RBFOX1: variants seen among roughly 807,000 people sequenced by gnomAD.
The protein encoded by RBFOX1 is RNA binding protein fox-1 homolog 1.
RBFOX1 carries 8 observed loss-of-function variants against 57.7 expected under a neutral mutation model. That is an observed-to-expected ratio of 0.14 (90% CI 0.08 to 0.25). The LOEUF (loss-of-function observed/expected upper bound fraction) is 0.25. Among genes scored for constraint, RBFOX1 ranks in the 10% least tolerant of loss-of-function variants. The probability of loss-of-function intolerance (pLI) is 1.00; values close to 1 mark genes in which losing one functional copy is unlikely to be tolerated. For synonymous variants in RBFOX1, 326 were observed against 222.4 expected (o/e 1.47, Z -4.15); for missense variants, 611 against 548.5 (o/e 1.11, Z -1.14).
At chr16:6,251,627 A>C (rs2097613245) in intron 1 of RBFOX1, among the ~76,000 whole-genome samples, 1 of 152,102 alleles carries the variant, frequency 6.6e-6, no homozygotes, top group Non-Finnish European at 1.5e-5. Context: ...AAAAATGAGA[A>C]TAGCAATGCC....
At chr16:7,040,963 T>G (rs1031474666) in intron 3 of RBFOX1, among the ~76,000 whole-genome samples, 1 of 151,864 alleles carries the variant, frequency 6.6e-6, no homozygotes, top group African/African-American at 2.4e-5. Context: ...TCCCCCAGGC[T>G]GGAGTGCAAT....
At position 5,246,199 on chromosome 16, in the gene RBFOX1, G is replaced by A. The variant is rs112988595; in HGVS notation, c.219+6094G>A. 9.8e-3 allele frequency among the ~76,000 whole-genome samples: 1,492 copies of A among 152,240 alleles called. 31 individuals carry two copies. Among genetic ancestry groups the A allele is most frequent in the African/African-American group, 0.034 (1,421 of 41,544 alleles). On this transcript the variant is annotated intron_variant, in intron 1 of 2. Transcript: ENST00000585867. ...AGAGGTTGCAGTCAGCCGAGATCGC[G>A]CCACTGCACTTCAGCCAGCCTGGGT...
At chr16:7,705,176 C>A (rs1046204526) in intron 14 of RBFOX1, among the ~76,000 whole-genome samples, 1 of 151,850 alleles carries the variant, frequency 6.6e-6, no homozygotes, top group Non-Finnish European at 1.5e-5. Flanking sequence ...CAAGACTAAG[C>A]AGAGAATGGA....
intron 3 of RBFOX1, among the ~76,000 whole-genome samples, chr16:5,837,947 C>T (rs894747747): frequency 2.0e-5 from 3 of 152,056 alleles, no homozygotes; most frequent in Admixed American, 6.5e-5. Context: ...ATGGCTGCTT[C>T]GGAAAGAGGC....
At chr16:5,878,564 C>T (rs116388444) in intron 4 of RBFOX1, among the ~76,000 whole-genome samples, 275 of 152,268 alleles carry the variant, frequency 1.8e-3, no homozygotes, top group African/African-American at 6.3e-3. Context: ...CGTTGCTCAA[C>T]GCAATCTTCT....
chr16:6,386,946 AAG>A (rs370441282), intron 2 of RBFOX1, among the ~76,000 whole-genome samples: 1 of 152,042 alleles, frequency 6.6e-6, no homozygotes, highest in Non-Finnish European at 1.5e-5. Flanking sequence ...TTGAAAAATA[AAG>A]AGAGAGGTGT....
intron 2 of RBFOX1, among the ~76,000 whole-genome samples, chr16:6,515,955 G>C (rs2096369085): frequency 6.6e-6 from 1 of 152,064 alleles, no homozygotes; most frequent in Non-Finnish European, 1.5e-5. Context: ...TTTAGGTACT[G>C]GTACTGAAAT....
At chr16:5,367,234 G>T (rs919885479) in intron 1 of RBFOX1, among the ~76,000 whole-genome samples, 1 of 152,122 alleles carries the variant, frequency 6.6e-6, no homozygotes, top group Non-Finnish European at 1.5e-5. Flanking sequence ...AAGCCTAAAG[G>T]AAGATAGTTT....
chr16:7,137,198 T>C (rs553680397), intron 4 of RBFOX1, among the ~76,000 whole-genome samples: 4 of 152,332 alleles, frequency 2.6e-5, no homozygotes, highest in African/African-American at 7.2e-5. Flanking sequence ...CTGAGCTAGC[T>C]GGACTCTTCT....
intron 5 of RBFOX1, among the ~76,000 whole-genome samples, chr16:7,553,997 A>T (rs763153711): frequency 1.3e-5 from 2 of 152,116 alleles, no homozygotes; most frequent in Non-Finnish European, 2.9e-5. Context: ...TAACCCAAGC[A>T]CTTTGGGAGG....
chr16:6,732,111 G>T (rs1304732121), intron 3 of RBFOX1, among the ~76,000 whole-genome samples: 1 of 151,968 alleles, frequency 6.6e-6, no homozygotes, highest in African/African-American at 2.4e-5. Flanking sequence ...TCTTCCCTTT[G>T]CATCTGATTC....
At chr16:5,604,604 A>G (rs80064789), downstream of RBFOX1, among the ~76,000 whole-genome samples, 2,300 of 152,236 alleles carry the variant, frequency 0.015, 65 homozygotes, top group African/African-American at 0.051. Flanking sequence ...CATGCCCATC[A>G]TCTTTTCTAT....
intron 3 of RBFOX1, among the ~76,000 whole-genome samples, chr16:6,981,947 G>T (rs1484940351): frequency 6.6e-6 from 1 of 152,154 alleles, no homozygotes. Context: ...TATTACAATA[G>T]AACTTTTTAT....
intron 4 of RBFOX1, among the ~76,000 whole-genome samples, chr16:5,973,592 A>G (rs1446147523): frequency 1.3e-5 from 2 of 152,240 alleles, no homozygotes; most frequent in East Asian, 3.9e-4. Context: ...ATTTTGTGTC[A>G]GGTTGACTAG....
chr16:6,389,702 C>G (rs1274476315), intron 2 of RBFOX1, among the ~76,000 whole-genome samples: 1 of 152,106 alleles, frequency 6.6e-6, no homozygotes, highest in African/African-American at 2.4e-5. Flanking sequence ...AATGACGAAC[C>G]TCGTGCTCAA....
chr16:6,769,847 C>T (rs1051318777), intron 3 of RBFOX1, among the ~76,000 whole-genome samples: 1 of 152,132 alleles, frequency 6.6e-6, no homozygotes, highest in African/African-American at 2.4e-5. Context: ...GACAACTCAC[C>T]ACGAGTTTGA....
rs1568127319 is a variant in RBFOX1, at chr16:6,667,318, CCTTCAGTCACCCTTGAAG to C, written c.-16+12671_-16+12688del. The stretch of plus-strand genomic sequence containing the variant: ...TAGATCGGGCTATTGGTCTCATACA[CCTTCAGTCACCCTTGAAG>C]CTGGCTTTGGGAAGCTCATCTAAAG... On this transcript the variant is annotated intron_variant, in intron 3 of 15. Coordinates refer to ENST00000550418, the MANE Select transcript of RBFOX1 (RefSeq NM_018723.4). Among the ~76,000 whole-genome samples the C allele has an allele frequency of 7.2e-5, 11 of 152,052 alleles. 1 individual carries two copies. Among genetic ancestry groups the C allele is most frequent in the Non-Finnish European group, 1.5e-5 (1 of 68,020 alleles).
intron 11 of RBFOX1, among the ~76,000 whole-genome samples, chr16:7,651,981 C>T (rs1186790527): frequency 6.6e-6 from 1 of 151,962 alleles, no homozygotes; most frequent in East Asian, 1.9e-4. Context: ...TTTGCTGACT[C>T]TGTGGGCCCT....
intron 5 of RBFOX1, among the ~76,000 whole-genome samples, chr16:7,542,411 T>A (rs948871731): frequency 1.3e-5 from 2 of 151,986 alleles, no homozygotes; most frequent in Admixed American, 1.3e-4. Flanking sequence ...CAGGTGAAAT[T>A]CCAGTTGATT....
Sources: allele counts gnomAD v4.1 joint callset (sites outside exome capture counted in the v4.1 genomes callset), GRCh38; gene constraint gnomAD v4.1.1; transcripts MANE v1.5; gene names NCBI Gene and HGNC (gene_info 2026-07-23, HGNC 2026-07-21).